Variants in ADGRL2 observed in about 807,000 individuals in gnomAD.
The protein encoded by ADGRL2 is calcium-independent alpha-latrotoxin receptor 2.
Under a neutral mutation model 157.4 loss-of-function variants are expected in ADGRL2, and 44 were observed. That is an observed-to-expected ratio of 0.28 (90% CI 0.22 to 0.36). ADGRL2 has a LOEUF of 0.36. ADGRL2 is among the 10% of genes least tolerant of loss of function. ADGRL2 has a pLI of 1.00. For missense variants in ADGRL2, 1,510 were observed against 1,768.9 expected, an observed-to-expected ratio of 0.85 and a Z score of 2.63; for synonymous variants, 585 against 624.7, an observed-to-expected ratio of 0.94 and a Z score of 0.95.
At chr1:81,403,907 C>T (rs1365762797) in intron 1 of ADGRL2, among the ~76,000 whole-genome samples, 1 of 151,166 alleles carries the variant, frequency 6.6e-6, no homozygotes. Context: ...AAGTGATTCT[C>T]CTGCCTCAGC....
chr1:81,879,515 T>TAAA, intron 2 of ADGRL2, among the ~76,000 whole-genome samples: 1 of 113,826 alleles, frequency 8.8e-6, no homozygotes, highest in Non-Finnish European at 1.8e-5. Flanking sequence ...ACCCAGAATT[T>TAAA]AAAAAAAAAA....
intron 3 of ADGRL2, among the ~76,000 whole-genome samples, chr1:81,925,049 A>G (rs1492259): frequency 0.25 from 38,703 of 152,056 alleles, 5,306 homozygotes; most frequent in Middle Eastern, 0.36. Context: ...CCATGAGGGT[A>G]TACTCTCTAT....
At chr1:81,508,524 T>A (rs1250722110) in intron 2 of ADGRL2, among the ~76,000 whole-genome samples, 1 of 152,222 alleles carries the variant, frequency 6.6e-6, no homozygotes. Flanking sequence ...ATATTGCATG[T>A]GTCTCCTCTG....
chr1:81,365,511 G>A (rs994397750), intron 1 of ADGRL2, among the ~76,000 whole-genome samples: 4 of 152,042 alleles, frequency 2.6e-5, no homozygotes, highest in African/African-American at 9.7e-5. Flanking sequence ...CTTCTGTTAT[G>A]CTTATTTCTA....
intron 2 of ADGRL2, among the ~76,000 whole-genome samples, chr1:81,463,755 C>G (rs900146859): frequency 4.6e-5 from 7 of 152,128 alleles, no homozygotes; most frequent in African/African-American, 1.4e-4. Context: ...TTCACAAGGT[C>G]GTGTTCAAGG....
intron 1 of ADGRL2, among the ~76,000 whole-genome samples, chr1:81,825,656 CCA>C (rs2091412204): frequency 2.8e-5 from 1 of 35,552 alleles, no homozygotes. Context: ...GACCCTGTCT[CCA>C]AAAAAAAAAA....
intron 2 of ADGRL2, among the ~76,000 whole-genome samples, chr1:81,855,894 C>T (rs1004965207): frequency 6.6e-6 from 1 of 152,132 alleles, no homozygotes; most frequent in African/African-American, 2.4e-5. Context: ...GATGAAATTT[C>T]CGAAGTCATA....
At chr1:81,717,848 T>C (rs2084167624) in intron 1 of ADGRL2, among the ~76,000 whole-genome samples, 1 of 152,226 alleles carries the variant, frequency 6.6e-6, no homozygotes, top group African/African-American at 2.4e-5. Context: ...TGACTATTGC[T>C]AAGAAAGATC....
In ADGRL2 at chr1:81,341,641, G is replaced by A. The variant is rs143205315; in HGVS notation, c.-302+35132G>A. On this transcript the variant is annotated intron_variant, in intron 1 of 24. Coordinates refer to the ADGRL2 transcript ENST00000370721. ...CTATTTATTTCATTCTGATTTTTAA[G>A]CATTTTAATGGAAGTGATACTTAAC... 3.9e-4 allele frequency among the ~76,000 whole-genome samples: 59 copies of A among 152,112 alleles called. No homozygotes were observed. The East Asian group carries it at 0.011, about 29-fold the overall frequency.
At chr1:81,888,435 T>G (rs2094178168) in intron 2 of ADGRL2, among the ~76,000 whole-genome samples, 2 of 152,096 alleles carry the variant, frequency 1.3e-5, no homozygotes, top group African/African-American at 4.8e-5. Context: ...CATTGTTTTT[T>G]TATTTTATTT....
intron 3 of ADGRL2, among the ~76,000 whole-genome samples, chr1:81,655,627 T>C (rs2082517339): frequency 6.6e-6 from 1 of 152,198 alleles, no homozygotes; most frequent in African/African-American, 2.4e-5. Context: ...TCCTGAAATA[T>C]TTCCACTTAA....
chr1:81,503,414 C>T (rs2148029851), intron 2 of ADGRL2: 1 of 1,613,814 alleles, frequency 6.2e-7, no homozygotes. Flanking sequence ...TCACCAAGTC[C>T]TACCTCATCC....
At chr1:81,909,689 A>C (rs547381172) in intron 3 of ADGRL2, among the ~76,000 whole-genome samples, 1 of 152,082 alleles carries the variant, frequency 6.6e-6, no homozygotes, top group Admixed American at 6.6e-5. Context: ...TATTCTGATT[A>C]GGTTCTATTC....
chr1:81,716,568 C>G (rs17838109), intron 1 of ADGRL2, among the ~76,000 whole-genome samples: 13,932 of 152,120 alleles, frequency 0.092, 683 homozygotes, highest in South Asian at 0.14. Context: ...GTGGCTGGCA[C>G]TTTTGGAGAA....
chr1:81,532,517 T>A (rs1270343239), intron 2 of ADGRL2, among the ~76,000 whole-genome samples: 2 of 151,870 alleles, frequency 1.3e-5, no homozygotes, highest in African/African-American at 4.8e-5. Context: ...TTTCACCAGG[T>A]TATTCCAAGC....
intron 2 of ADGRL2, among the ~76,000 whole-genome samples, chr1:81,543,547 A>T (rs1044225772): frequency 5.3e-5 from 8 of 152,214 alleles, no homozygotes; most frequent in Admixed American, 3.3e-4. Context: ...TATTTAAAAT[A>T]CATATTTATT....
intron 3 of ADGRL2, among the ~76,000 whole-genome samples, chr1:81,910,388 T>G (rs1364545859): frequency 1.3e-5 from 2 of 151,864 alleles, no homozygotes; most frequent in Non-Finnish European, 2.9e-5. Flanking sequence ...TTATTGAATT[T>G]GAGCAGTTTT....
intron 2 of ADGRL2, among the ~76,000 whole-genome samples, chr1:81,451,137 T>G (rs1167635095): frequency 6.6e-6 from 1 of 151,984 alleles, no homozygotes; most frequent in Non-Finnish European, 1.5e-5. Context: ...AGATCTTCCA[T>G]TGATCATACC....
At chr1:81,460,696 A>C (rs1277363973) in intron 2 of ADGRL2, among the ~76,000 whole-genome samples, 1 of 152,102 alleles carries the variant, frequency 6.6e-6, no homozygotes, top group Non-Finnish European at 1.5e-5. Flanking sequence ...CACCCCTTTT[A>C]CTTTATTAAC....
Sources: gnomAD v4.1 joint callset for allele counts (sites outside exome capture counted in the v4.1 genomes callset) on GRCh38, gnomAD v4.1.1 for gene constraint, MANE v1.5 for transcripts, NCBI Gene and HGNC (gene_info 2026-07-23, HGNC 2026-07-21) for gene names.